GOLGA7: variants seen among roughly 807,000 people sequenced by gnomAD.
The protein encoded by GOLGA7 is golgin A7.
Under a neutral mutation model 21.1 loss-of-function variants are expected in GOLGA7, and 10 were observed. The observed-to-expected ratio is 0.47, with a 90% CI of 0.29 to 0.80. GOLGA7 has a LOEUF of 0.80. Among genes scored for constraint, GOLGA7 ranks in the 30% least tolerant of loss-of-function variants. The pLI is 0.08. For missense variants in GOLGA7, 114 were observed against 166.8 expected, an observed-to-expected ratio of 0.68 and a Z score of 1.74; for synonymous variants, 64 against 62.6, an observed-to-expected ratio of 1.02 and a Z score of -0.10.
intron 2 of GOLGA7, among the ~76,000 whole-genome samples, chr8:41,499,501 G>A (rs1324993687): frequency 1.3e-5 from 2 of 152,104 alleles, no homozygotes; most frequent in East Asian, 1.9e-4. Flanking sequence ...GAGCCAGAAG[G>A]GAGATAGTTT....
chr8:41,503,472 C>T (rs577642680), intron 2 of GOLGA7, among the ~76,000 whole-genome samples: 30 of 97,304 alleles, frequency 3.1e-4, no homozygotes, highest in African/African-American at 1.2e-3. Context: ...GTGTTTTGGA[C>T]ATGAAGTCCT....
intron 2 of GOLGA7, among the ~76,000 whole-genome samples, chr8:41,504,110 T>TA (rs1425099379): frequency 2.8e-5 from 2 of 71,032 alleles, no homozygotes; most frequent in East Asian, 3.5e-4. Flanking sequence ...CCCTAAAACT[T>TA]AGAGTATAAT....
chr8:41,503,728 T>C (rs1585603494), intron 2 of GOLGA7, among the ~76,000 whole-genome samples: 2 of 109,046 alleles, frequency 1.8e-5, no homozygotes, highest in Admixed American at 1.1e-4. Flanking sequence ...GTTGTAGATA[T>C]GCGGCATTAT....
chr8:41,490,720 G>A lies in GOLGA7; in HGVS notation c.-135G>A. 1 of 622,772 alleles carries A rather than the reference G, an allele frequency of 1.6e-6. No homozygotes were observed. Among genetic ancestry groups the A allele is most frequent in the Non-Finnish European group, 2.9e-6 (1 of 345,312 alleles). The allele number at this position is 622,772 out of a possible 1,614,324, so 38.6% of individuals were successfully genotyped here. On this transcript the variant is annotated 5_prime_UTR_variant, in exon 1 of 5. Transcript: ENST00000357743. ...AGCATGGGTGAAGGGGAGCGGGGCA[G>A]AGGAGGCCTTGGGCTGTTTTCGGCG... is the stretch of plus-strand genomic sequence containing the variant.
At chr8:41,506,401 A>T (rs1285039976) in intron 3 of GOLGA7, among the ~76,000 whole-genome samples, 1 of 152,168 alleles carries the variant, frequency 6.6e-6, no homozygotes, top group African/African-American at 2.4e-5. Context: ...TTGCAGTTTC[A>T]TGGGTTTATC....
rs1585603494 is a variant in GOLGA7, at chr8:41,503,728, T to A, written c.265-2183T>A. On this transcript the variant is annotated intron_variant, in intron 2 of 4. Coordinates refer to ENST00000357743, the MANE Select transcript of GOLGA7 (RefSeq NM_001002296.2). The stretch of plus-strand genomic sequence containing the variant: ...GTCAAAGATCAGATAGTTGTAGATA[T>A]GCGGCATTATTTCTGAGGGCTCTGT... 2.7e-5 allele frequency among the ~76,000 whole-genome samples: 3 copies of A among 109,122 alleles called. No individual in the cohort carries two copies. In the Admixed American group the frequency reaches 3.2e-4, roughly 12 times the overall value. 71.6% of individuals were successfully genotyped at this position (109,122 alleles called of 152,430 possible). A position where few individuals can be genotyped will look rare whatever the true frequency, so the allele number is the denominator to read the frequency against.
At chr8:41,498,567 T>C (rs945353143) in intron 2 of GOLGA7, among the ~76,000 whole-genome samples, 4 of 152,232 alleles carry the variant, frequency 2.6e-5, no homozygotes, top group Admixed American at 1.3e-4. Context: ...CTTCCCAGGT[T>C]CAAATCCCAC....
At chr8:41,499,114 C>T (rs892805254) in intron 2 of GOLGA7, among the ~76,000 whole-genome samples, 1 of 152,120 alleles carries the variant, frequency 6.6e-6, no homozygotes, top group African/African-American at 2.4e-5. Context: ...CATGTTGAAA[C>T]AGGAAAAGTT....
intron 1 of GOLGA7, among the ~76,000 whole-genome samples, chr8:41,493,304 G>A (rs985680484): frequency 5.9e-5 from 9 of 152,242 alleles, no homozygotes; most frequent in African/African-American, 2.2e-4. Context: ...CTCTGCTATT[G>A]GAGCTGATTT....
chr8:41,501,945 T>C (rs1236264105), intron 2 of GOLGA7, among the ~76,000 whole-genome samples: 2 of 152,208 alleles, frequency 1.3e-5, no homozygotes, highest in Non-Finnish European at 2.9e-5. Flanking sequence ...TTTGTAGACA[T>C]TGTGTAAGGT....
At chr8:41,493,225 T>C (rs1002107978) in intron 1 of GOLGA7, among the ~76,000 whole-genome samples, 2 of 152,234 alleles carry the variant, frequency 1.3e-5, no homozygotes, top group South Asian at 4.1e-4. Context: ...GTTTAAACTT[T>C]CCTTGCTTTG....
chr8:41,508,365 C>T (rs1379957407), intron 4 of GOLGA7, among the ~76,000 whole-genome samples: 1 of 152,214 alleles, frequency 6.6e-6, no homozygotes, highest in African/African-American at 2.4e-5. Flanking sequence ...GAATGTGTCA[C>T]CTGAATTCCT....
chr8:41,494,604 TCA>T (rs1382894968), intron 1 of GOLGA7, among the ~76,000 whole-genome samples: 2 of 152,188 alleles, frequency 1.3e-5, no homozygotes, highest in African/African-American at 2.4e-5. Context: ...GAATGAGAAC[TCA>T]CAGTTTCCCA....
intron 1 of GOLGA7, among the ~76,000 whole-genome samples, chr8:41,495,959 C>G (rs117241525): frequency 1.4e-3 from 208 of 152,206 alleles, no homozygotes; most frequent in Non-Finnish European, 2.4e-3. Flanking sequence ...AGTACAGGTT[C>G]TTTCTTATGT....
intron 1 of GOLGA7, 46 bp downstream of exon 1, chr8:41,491,011 C>A: frequency 9.0e-7 from 1 of 1,113,458 alleles, no homozygotes; most frequent in Non-Finnish European, 1.3e-6. Flanking sequence ...GGGAGAGAGA[C>A]TCACCGGGGA....
At chr8:41,503,023 T>C (rs1806186598) in intron 2 of GOLGA7, among the ~76,000 whole-genome samples, 2 of 152,180 alleles carry the variant, frequency 1.3e-5, no homozygotes, top group Admixed American at 1.3e-4. Context: ...TTTAAGAGTT[T>C]TATCGTTTGT....
At chr8:41,508,603 T>G (rs1265576477) in intron 4 of GOLGA7, among the ~76,000 whole-genome samples, 2 of 152,244 alleles carry the variant, frequency 1.3e-5, no homozygotes, top group Non-Finnish European at 2.9e-5. Context: ...CCATTTGTCA[T>G]GACTCATTTT....
intron 1 of GOLGA7, among the ~76,000 whole-genome samples, chr8:41,493,078 A>G (rs1050666379): frequency 9.9e-5 from 15 of 152,238 alleles, no homozygotes; most frequent in African/African-American, 3.1e-4. Context: ...GGAATGTTAC[A>G]TGGCACTCTT....
rs1461511814 is a variant in GOLGA7 at position 41,509,909 on chromosome 8, A to C, written c.*341A>C. The C allele has an allele frequency of 1.3e-5, 2 of 152,612 alleles. No individual in the cohort carries two copies. The highest frequency in any genetic ancestry group is 2.9e-5 in the Non-Finnish European group (2 of 68,046). The allele number at this position is 152,612 out of a possible 1,614,324, so 9.5% of individuals were successfully genotyped here. A position where few individuals can be genotyped will look rare whatever the true frequency, so the allele number is the denominator to read the frequency against. Reference sequence around the variant, plus strand: ...AAAGCTTGTTATCTGCCACCAGTACATACCATTGGTTCTCTTCATTCCTTG... The same window carrying C: ...AAAGCTTGTTATCTGCCACCAGTACCTACCATTGGTTCTCTTCATTCCTTG... On this transcript the variant is annotated 3_prime_UTR_variant, in exon 5 of 5. Transcript: ENST00000357743.
Sources: gnomAD v4.1 joint callset for allele counts (sites outside exome capture counted in the v4.1 genomes callset) on GRCh38, gnomAD v4.1.1 for gene constraint, MANE v1.5 for transcripts, NCBI Gene and HGNC (gene_info 2026-07-23, HGNC 2026-07-21) for gene names.